The following LMBRD1 variants were observed in gnomAD, a reference collection of about 807,000 sequenced individuals.
The protein encoded by LMBRD1 is lysosomal cobalamin transport escort protein LMBD1.
LMBRD1 carries 64 observed loss-of-function variants against 74.8 expected under a neutral mutation model. That is an observed-to-expected ratio of 0.86 (90% CI 0.70 to 1.05). The LOEUF (loss-of-function observed/expected upper bound fraction) is 1.05. Among genes scored for constraint, LMBRD1 ranks in the 50% least tolerant of loss-of-function variants. The probability of loss-of-function intolerance (pLI) is 0.00; values close to 1 mark genes in which losing one functional copy is unlikely to be tolerated. For synonymous variants in LMBRD1, 204 were observed against 216.3 expected, an observed-to-expected ratio of 0.94 and a Z score of 0.50; for missense variants, 652 against 645.9, an observed-to-expected ratio of 1.01 and a Z score of -0.10.
At chr6:69,698,433 G>A (rs906587268) in intron 13 of LMBRD1, among the ~76,000 whole-genome samples, 17 of 151,874 alleles carry the variant, frequency 1.1e-4, no homozygotes, top group African/African-American at 4.1e-4. Context: ...AAGAAGTAGA[G>A]CAAAAGGTAT....
chr6:69,710,758 A>G (rs570134580), intron 9 of LMBRD1, among the ~76,000 whole-genome samples: 1 of 152,168 alleles, frequency 6.6e-6, no homozygotes, highest in Admixed American at 6.5e-5. Context: ...ATGCAAAGCA[A>G]AACTGTGAGA....
chr6:69,704,144 T>C (rs1766197325), intron 9 of LMBRD1, among the ~76,000 whole-genome samples: 1 of 152,030 alleles, frequency 6.6e-6, no homozygotes, highest in Admixed American at 6.6e-5. Context: ...TTCAGTCAGG[T>C]TTCTCCATTG....
chr6:69,771,875 GA>G (rs34998938), intron 3 of LMBRD1, among the ~76,000 whole-genome samples: 52,043 of 148,946 alleles, frequency 0.35, 9,883 homozygotes, highest in East Asian at 0.55. Flanking sequence ...ATTATAGCTA[GA>G]AAAAAAAAAG....
intron 7 of LMBRD1, among the ~76,000 whole-genome samples, chr6:69,729,758 C>T (rs1053999850): frequency 2.0e-5 from 3 of 151,778 alleles, no homozygotes; most frequent in Non-Finnish European, 2.9e-5. Context: ...TTTAATTGTC[C>T]GAAGACAACG....
intron 3 of LMBRD1, among the ~76,000 whole-genome samples, chr6:69,762,101 T>A (rs1305554415): frequency 6.6e-6 from 1 of 152,170 alleles, no homozygotes; most frequent in Non-Finnish European, 1.5e-5. Context: ...AACTTGTAAC[T>A]CAGATTGCTG....
At chr6:69,780,117 CTTT>C (rs34490213) in intron 3 of LMBRD1, among the ~76,000 whole-genome samples, 6 of 115,248 alleles carry the variant, frequency 5.2e-5, no homozygotes, top group African/African-American at 9.8e-5. Context: ...TGGGAGGGTC[CTTT>C]TTTTTTTTTT....
At chr6:69,700,737 A>C (rs777370113) in intron 12 of LMBRD1, 28 bp downstream of exon 12, 1 of 1,380,644 alleles carries the variant, frequency 7.2e-7, no homozygotes, top group Non-Finnish European at 9.8e-7. Flanking sequence ...AATGATGAGA[A>C]AAAAATAATA....
intron 3 of LMBRD1, among the ~76,000 whole-genome samples, chr6:69,755,588 TAAAAA>T (rs75543340): frequency 7.5e-6 from 1 of 132,852 alleles, no homozygotes; most frequent in Non-Finnish European, 1.6e-5. Context: ...TCCCAGAACT[TAAAAA>T]AAAAAAAAAA....
At chr6:69,779,216 T>C (rs551385337) in intron 3 of LMBRD1, among the ~76,000 whole-genome samples, 2 of 140,108 alleles carry the variant, frequency 1.4e-5, no homozygotes, top group Admixed American at 6.8e-5. Context: ...TCAATGGAAC[T>C]CGAAAACATA....
chr6:69,745,481 A>G (rs1767204751), intron 5 of LMBRD1, among the ~76,000 whole-genome samples: 1 of 150,344 alleles, frequency 6.7e-6, no homozygotes, highest in Non-Finnish European at 1.5e-5. Context: ...GATGGTCTCG[A>G]TCTCCTGACC....
rs543988372 is a variant in LMBRD1, at chr6:69,752,805, T to G, written c.308-449A>C. On this transcript the variant is annotated intron_variant, in intron 3 of 15. Coordinates refer to ENST00000649934, the MANE Select transcript of LMBRD1 (RefSeq NM_018368.4). The stretch of plus-strand genomic sequence containing the variant: ...AAGAAACAGCTATAAATAATATTCT[T>G]TGTGATATAAATAATTTTCTCATCT... Among the ~76,000 whole-genome samples the G allele has an allele frequency of 1.2e-4, 18 of 152,308 alleles. No homozygotes were observed. In the East Asian group the frequency reaches 3.1e-3, roughly 26 times the overall value.
chr6:69,778,638 TC>T (rs1043512498), intron 3 of LMBRD1, among the ~76,000 whole-genome samples: 1 of 151,804 alleles, frequency 6.6e-6, no homozygotes, highest in African/African-American at 2.4e-5. Flanking sequence ...GTGACAGACC[TC>T]CCCCCCTAAA....
At chr6:69,680,027 T>C (rs922482138) in intron 14 of LMBRD1, among the ~76,000 whole-genome samples, 1 of 152,172 alleles carries the variant, frequency 6.6e-6, no homozygotes, top group Non-Finnish European at 1.5e-5. Flanking sequence ...ACTCTGTGCA[T>C]GCCCATTATT....
rs1266190859 is a variant in LMBRD1 at position 69,720,577 on chromosome 6, A to G, written c.637-1496T>C. Reference sequence around the variant, plus strand: ...TTTGGTATATTTGGTATATTTTGGTATATTTGGTATATTTTTTGGACTTTT... The same window carrying G: ...TTTGGTATATTTGGTATATTTTGGTGTATTTGGTATATTTTTTGGACTTTT... On this transcript the variant is annotated intron_variant, in intron 7 of 15. Coordinates refer to ENST00000649934, the MANE Select transcript of LMBRD1 (RefSeq NM_018368.4). Among the ~76,000 whole-genome samples the G allele has an allele frequency of 2.6e-5, 4 of 152,026 alleles. No homozygotes were observed. The East Asian group carries it at 7.7e-4, about 29-fold the overall frequency.
chr6:69,703,280 A>C (rs965782669), intron 9 of LMBRD1, among the ~76,000 whole-genome samples: 1 of 151,998 alleles, frequency 6.6e-6, no homozygotes, highest in African/African-American at 2.4e-5. Context: ...GGTGAACTGA[A>C]AAGCAACACA....
At chr6:69,763,727 C>T (rs921928962) in intron 3 of LMBRD1, among the ~76,000 whole-genome samples, 1 of 152,174 alleles carries the variant, frequency 6.6e-6, no homozygotes, top group African/African-American at 2.4e-5. Flanking sequence ...ATGGTAGAGG[C>T]AGGACCATCA....
intron 14 of LMBRD1, among the ~76,000 whole-genome samples, chr6:69,691,370 A>G (rs984106778): frequency 6.6e-6 from 1 of 152,130 alleles, no homozygotes; most frequent in Non-Finnish European, 1.5e-5. Context: ...TGACCTTTCT[A>G]AAGTTTTTTC....
At position 69,790,490 on chromosome 6, in the gene LMBRD1, G is replaced by A. The variant is rs1200936995; in HGVS notation, c.70-18C>T. On this transcript the variant is annotated intron_variant, in intron 1 of 15. Coordinates refer to ENST00000649934, the MANE Select transcript of LMBRD1 (RefSeq NM_018368.4). ...AAAATAGCCTGAAATAGAACAAAAA[G>A]AGATGTTTGTTACTACCCAGTGTAT... is the stretch of plus-strand genomic sequence containing the variant. 1.9e-6 allele frequency: 3 copies of A among 1,610,446 alleles called. No homozygotes were observed. Among genetic ancestry groups the A allele is most frequent in the Non-Finnish European group, 2.5e-6 (3 of 1,177,106 alleles).
intron 8 of LMBRD1, among the ~76,000 whole-genome samples, 191 bp downstream of exon 8, chr6:69,718,765 A>G (rs539532959): frequency 6.6e-6 from 1 of 152,228 alleles, no homozygotes. Context: ...CTCCCACAAC[A>G]CGGGGGATTA....
Sources: gnomAD v4.1 joint callset for allele counts (sites outside exome capture counted in the v4.1 genomes callset) on GRCh38, gnomAD v4.1.1 for gene constraint, MANE v1.5 for transcripts, NCBI Gene and HGNC (gene_info 2026-07-23, HGNC 2026-07-21) for gene names.